The following CDH23 variants were observed in gnomAD, a reference collection of about 807,000 sequenced individuals.
The protein encoded by CDH23 is cadherin-23.
Under a neutral mutation model 317.1 loss-of-function variants are expected in CDH23, and 189 were observed. That is an observed-to-expected ratio of 0.60 (90% CI 0.53 to 0.67). CDH23 has a LOEUF of 0.67. CDH23 is among the 30% of genes least tolerant of loss of function. The probability of loss-of-function intolerance (pLI) is 0.00; values close to 1 mark genes in which losing one functional copy is unlikely to be tolerated. For missense variants in CDH23, 4,401 were observed against 4,592.4 expected (o/e 0.96, Z 1.20); for synonymous variants, 1,839 against 1,876.8 (o/e 0.98, Z 0.52).
At chr10:71,666,625 C>T (rs1173512583) in intron 14 of CDH23, among the ~76,000 whole-genome samples, 5 of 152,090 alleles carry the variant, frequency 3.3e-5, no homozygotes, top group African/African-American at 1.2e-4. Context: ...GTGGGGCAGA[C>T]TGGATGGTAT....
Position 71,785,704 on chromosome 10 carries a change from A to C in CDH23, c.5786A>C (p.Lys1929Thr). Residue 1929 changes from lysine (K) to threonine (T), a missense_variant, in exon 44 of 70, where the codon AAG becomes ACG. By Grantham distance (78) the Lys-to-Thr change is moderately conservative. Coordinates refer to ENST00000224721, the MANE Select transcript of CDH23 (RefSeq NM_022124.6). ...GAGTACAAGCTGACCATTTCTGTGA[A>C]GGACAACCCGGAGAATCCACGCATA... is the stretch of plus-strand genomic sequence containing the variant. ...IPEYKLTISV[K>T]DNPENPRIAR... 6.2e-7 allele frequency: 1 copy of C among 1,608,616 alleles called. No homozygotes were observed. The highest frequency in any genetic ancestry group is 8.5e-7 in the Non-Finnish European group (1 of 1,177,654).
At chr10:71,551,596 C>T (rs1339622266) in intron 6 of CDH23, among the ~76,000 whole-genome samples, 2 of 152,058 alleles carry the variant, frequency 1.3e-5, no homozygotes, top group African/African-American at 4.8e-5. Flanking sequence ...ACAGATGAGA[C>T]CATGGCCATC....
At chr10:71,789,267 A>T (rs896325952) in intron 45 of CDH23, among the ~76,000 whole-genome samples, 12 of 152,170 alleles carry the variant, frequency 7.9e-5, no homozygotes, top group Non-Finnish European at 1.8e-4. Context: ...AGTCGTGGTC[A>T]TTGTTCCCCA....
chr10:71,585,708 C>A (rs1055422610), intron 9 of CDH23, among the ~76,000 whole-genome samples: 1 of 152,238 alleles, frequency 6.6e-6, no homozygotes, highest in African/African-American at 2.4e-5. Flanking sequence ...CCTGATCTTT[C>A]GCCCTCTTCT....
chr10:71,660,662 T>C (rs944668059), intron 14 of CDH23, among the ~76,000 whole-genome samples: 1 of 152,102 alleles, frequency 6.6e-6, no homozygotes, highest in Non-Finnish European at 1.5e-5. Flanking sequence ...CTGGGAAATT[T>C]AGCATTTTTA....
chr10:71,428,139 CTTTTT>C (rs112105182), intron 1 of CDH23, among the ~76,000 whole-genome samples: 2 of 131,536 alleles, frequency 1.5e-5, no homozygotes, highest in South Asian at 2.5e-4. Context: ...TTCTTTCTTT[CTTTTT>C]TTTTTTTTTT....
chr10:71,800,392 A>G (rs1389929970), intron 52 of CDH23, among the ~76,000 whole-genome samples: 6 of 152,080 alleles, frequency 3.9e-5, no homozygotes, highest in Admixed American at 3.9e-4. Context: ...TGGGGTGCCT[A>G]CTATATGCTA....
chr10:71,399,707 G>A (rs1045408715), intron 1 of CDH23, among the ~76,000 whole-genome samples: 19 of 152,128 alleles, frequency 1.2e-4, no homozygotes, highest in Non-Finnish European at 2.1e-4. Context: ...CAAGGCTGTA[G>A]TGTGCTAGGA....
At chr10:71,454,311 C>G (rs956333504) in intron 3 of CDH23, among the ~76,000 whole-genome samples, 2 of 152,234 alleles carry the variant, frequency 1.3e-5, no homozygotes, top group Non-Finnish European at 2.9e-5. Flanking sequence ...AGAACTGTGT[C>G]TGGCCCATAG....
chr10:71,794,438 A>G (rs1841350181), intron 48 of CDH23: 1 of 152,244 alleles, frequency 6.6e-6, no homozygotes, highest in Admixed American at 6.5e-5. Context: ...AACCAAGAGA[A>G]CCATGGCTTA....
intron 9 of CDH23, among the ~76,000 whole-genome samples, chr10:71,611,205 G>A (rs181656002): frequency 1.1e-3 from 166 of 152,356 alleles, no homozygotes; most frequent in African/African-American, 3.1e-3. Flanking sequence ...AGGGGAGGAC[G>A]TGGAAGTGAG....
At chr10:71,737,380 G>T (rs1839595704) in intron 34 of CDH23, among the ~76,000 whole-genome samples, 1 of 152,228 alleles carries the variant, frequency 6.6e-6, no homozygotes. Context: ...CCAAAATCGT[G>T]CAGCTCATAA....
At chr10:71,783,004 C>T (rs952878024) in intron 41 of CDH23, among the ~76,000 whole-genome samples, 4 of 152,118 alleles carry the variant, frequency 2.6e-5, no homozygotes, top group African/African-American at 9.7e-5. Context: ...ACTGTGGGGG[C>T]GCCTGGGCCC....
intron 8 of CDH23, among the ~76,000 whole-genome samples, chr10:71,573,705 C>A (rs1205868069): frequency 1.3e-5 from 2 of 152,238 alleles, no homozygotes; most frequent in Non-Finnish European, 2.9e-5. Flanking sequence ...GCTGCTAGAC[C>A]CCCGATCTGG....
chr10:71,630,799 G>T (rs570781683), intron 11 of CDH23, among the ~76,000 whole-genome samples: 1 of 152,182 alleles, frequency 6.6e-6, no homozygotes, highest in African/African-American at 2.4e-5. Context: ...CTCGATGGCC[G>T]ATCTCAAGCT....
chr10:71,509,995 C>A, intron 3 of CDH23, 87 bp from the exon 4 acceptor site: 1 of 1,508,588 alleles, frequency 6.6e-7, no homozygotes, highest in Non-Finnish European at 9.2e-7. Flanking sequence ...CCACTCCCTG[C>A]TGAGAGTTCA....
intron 1 of CDH23, among the ~76,000 whole-genome samples, chr10:71,400,160 G>A (rs183840146): frequency 4.6e-5 from 7 of 152,318 alleles, no homozygotes; most frequent in Non-Finnish European, 1.0e-4. Context: ...GGATGATGCC[G>A]AGGCATGGTG....
Position 71,798,878 on chromosome 10 carries a change from G to A in CDH23, c.7055-233G>A, listed in dbSNP as rs1327211150. ...CCAAGAAGGAGGTGTCTCAGGTCCT[G>A]GGCTAGTTGATGCTCATTCCTGTGA... On this transcript the variant is annotated intron_variant, in intron 50 of 69. Coordinates refer to ENST00000224721, the MANE Select transcript of CDH23 (RefSeq NM_022124.6). 2.6e-5 allele frequency among the ~76,000 whole-genome samples: 4 copies of A among 152,296 alleles called. No homozygotes were observed. The East Asian group carries it at 7.7e-4, about 29-fold the overall frequency.
rs761688618 is a variant in CDH23 at position 71,807,383 on chromosome 10, C to T, written c.8285C>T (p.Ala2762Val). 71 of 1,613,732 alleles carry T rather than the reference C, an allele frequency of 4.4e-5. No homozygotes were observed. The highest frequency in any genetic ancestry group is 3.7e-4 in the South Asian group (34 of 91,058). Residue 2762 changes from alanine to valine, a missense_variant, in exon 58 of 70, where the codon GCG (alanine) becomes GTG (valine). Physicochemically the swap from Ala to Val is moderately conservative, Grantham distance 64. Around this residue, in one of 3 missense-constraint regions of CDH23, gnomAD observed 1,144 missense variants for 1,138.2 expected, o/e 1.01. Transcript: ENST00000224721. ...GTGGATGCAGATGAGGGCCCCAACG[C>T]GATCGTGTACTACTTCATCGCAGGT... ...GAVDADEGPNAIVYYFIAAGN... is the reference protein window; with the variant it reads ...GAVDADEGPNVIVYYFIAAGN...
Sources: gnomAD v4.1 joint callset for allele counts (sites outside exome capture counted in the v4.1 genomes callset) on GRCh38, gnomAD v4.1.1 for gene constraint, gnomAD v4.1.1 regional missense constraint, MANE v1.5 for transcripts, NCBI Gene and HGNC (gene_info 2026-07-23, HGNC 2026-07-21) for gene names.